The following FAM180A variants were observed in gnomAD, a reference collection of about 807,000 sequenced individuals.
FAM180A encodes the protein protein FAM180A.
FAM180A carries 14 observed loss-of-function variants against 15.3 expected under a neutral mutation model. The ratio of observed to expected loss-of-function variants is 0.92; its 90% CI spans 0.61 to 1.43. The LOEUF is 1.43. FAM180A is among the 40% of genes most tolerant of loss of function. The pLI is 0.00. For missense variants in FAM180A, 200 were observed against 220.8 expected (o/e 0.91, Z 0.60); for synonymous variants, 90 against 96.8 (o/e 0.93, Z 0.41).
rs1796751432 is a variant in FAM180A at position 135,729,610 on chromosome 7, T to C, written c.*1001A>G. 1 of 984,728 alleles carries C rather than the reference T, an allele frequency of 1.0e-6. No homozygotes were observed. The highest frequency in any genetic ancestry group is 4.7e-5 in the South Asian group (1 of 21,262). 61.0% of individuals were successfully genotyped at this position (984,728 alleles called of 1,614,324 possible). On this transcript the variant is annotated 3_prime_UTR_variant, in exon 4 of 4. Coordinates refer to ENST00000338588, the MANE Select transcript of FAM180A (RefSeq NM_205855.4). ...ACAAAGATTCCAGTGAGCAACTCAA[T>C]CATGACATCTTTATTATACCATAGA...
At chr7:135,739,623 CA>C (rs1220607774) in intron 1 of FAM180A, among the ~76,000 whole-genome samples, 1 of 120,608 alleles carries the variant, frequency 8.3e-6, no homozygotes, top group Non-Finnish European at 1.7e-5. Flanking sequence ...AAAACAAAAA[CA>C]AAAAAAGGCA....
At position 135,740,985 on chromosome 7, in the gene FAM180A, A is replaced by C. The variant is rs78076149; in HGVS notation, c.77-3786T>G. 4.3e-3 allele frequency among the ~76,000 whole-genome samples: 602 copies of C among 139,726 alleles called. 4 individuals carry two copies. Among genetic ancestry groups the C allele is most frequent in the Middle Eastern group, 0.019 (5 of 266 alleles). 91.7% of individuals were successfully genotyped at this position (139,726 alleles called of 152,430 possible). A position where few individuals can be genotyped will look rare whatever the true frequency, so the allele number is the denominator to read the frequency against. ...AAAACAAAACAAAACAAAAAAAAAA[A>C]CCTCAGTCCCAGCAGAGGAAGGCAA... On this transcript the variant is annotated intron_variant, in intron 1 of 3. Transcript: ENST00000338588.
At chr7:135,732,775 A>G (rs540465416) in intron 3 of FAM180A, among the ~76,000 whole-genome samples, 2 of 152,158 alleles carry the variant, frequency 1.3e-5, no homozygotes, top group South Asian at 4.2e-4. Context: ...CACTAAACAA[A>G]AGCTTAAGGT....
intron 3 of FAM180A, among the ~76,000 whole-genome samples, chr7:135,730,681 T>G (rs1464147064): frequency 2.0e-5 from 3 of 152,202 alleles, no homozygotes; most frequent in Non-Finnish European, 4.4e-5. Flanking sequence ...TGTGACCCCT[T>G]CGTGACTGTA....
chr7:135,746,367 T>C (rs1466569261), intron 1 of FAM180A, among the ~76,000 whole-genome samples: 1 of 152,218 alleles, frequency 6.6e-6, no homozygotes, highest in Non-Finnish European at 1.5e-5. Context: ...TTTTCATCTA[T>C]ATTTTTGAAT....
rs909902464 is a variant in FAM180A at position 135,729,878 on chromosome 7, G to C, written c.*733C>G. 2 of 696,908 alleles carry C rather than the reference G, an allele frequency of 2.9e-6. No homozygotes were observed. Among genetic ancestry groups the C allele is most frequent in the African/African-American group, 3.9e-5 (2 of 51,426 alleles). 43.2% of individuals were successfully genotyped at this position (696,908 alleles called of 1,614,324 possible). A position where few individuals can be genotyped will look rare whatever the true frequency, so the allele number is the denominator to read the frequency against. The stretch of plus-strand genomic sequence containing the variant: ...GGGAAGGGGAAAAGAGGAGTTGTTC[G>C]GTGGGTATAGAACTTCAGAATTACA... On this transcript the variant is annotated 3_prime_UTR_variant, in exon 4 of 4. Transcript: ENST00000338588.
chr7:135,747,735 G>T (rs534662459), intron 1 of FAM180A, among the ~76,000 whole-genome samples: 18 of 152,232 alleles, frequency 1.2e-4, no homozygotes, highest in Admixed American at 1.2e-3. Context: ...TTGACTTTAG[G>T]CAGTGGAAAG....
intron 2 of FAM180A, among the ~76,000 whole-genome samples, chr7:135,735,994 C>T (rs1412294462): frequency 6.6e-6 from 1 of 150,686 alleles, no homozygotes; most frequent in African/African-American, 2.4e-5. Flanking sequence ...TGAGCCGCCG[C>T]ACCTGGCCTG....
chr7:135,742,835 C>T (rs922593505), intron 1 of FAM180A, among the ~76,000 whole-genome samples: 5 of 152,138 alleles, frequency 3.3e-5, no homozygotes, highest in African/African-American at 1.2e-4. Context: ...TATGAACTTT[C>T]CATTTTATAG....
In FAM180A at chr7:135,737,134, G is replaced by A. The variant is rs1470715048; in HGVS notation, c.142C>T (p.Gln48Ter). ...SSSLPLNPVL[Q>*]TSLEEVELLY... ...AGCTCCACCTCCTCCAGGGAGGTCTGCAGGACTGGGTTCAATGGCAGTGAT... is the reference window on the plus strand; with the variant it reads ...AGCTCCACCTCCTCCAGGGAGGTCTACAGGACTGGGTTCAATGGCAGTGAT... The change falls in exon 2 of 4, where the codon CAG becomes TAG. Residue 48 changes from glutamine to a stop codon, truncating the protein, a stop_gained. Coordinates refer to ENST00000338588, the MANE Select transcript of FAM180A (RefSeq NM_205855.4). LOFTEE classifies it high-confidence loss of function. 1 of 1,613,458 alleles carries A rather than the reference G, an allele frequency of 6.2e-7. No homozygotes were observed. Among genetic ancestry groups the A allele is most frequent in the Admixed American group, 1.7e-5 (1 of 59,912 alleles).
chr7:135,746,471 T>G (rs1797033559), intron 1 of FAM180A, among the ~76,000 whole-genome samples: 1 of 152,196 alleles, frequency 6.6e-6, no homozygotes, highest in East Asian at 1.9e-4. Context: ...GTTAAGAGAC[T>G]TGTCTGAGAT....
At chr7:135,732,679 C>T (rs1167000720) in intron 3 of FAM180A, among the ~76,000 whole-genome samples, 1 of 135,920 alleles carries the variant, frequency 7.4e-6, no homozygotes, top group Admixed American at 7.6e-5. Flanking sequence ...GATGGCAGAG[C>T]GAGACTCCAT....
At chr7:135,732,772 C>G (rs1191186393) in intron 3 of FAM180A, among the ~76,000 whole-genome samples, 1 of 151,164 alleles carries the variant, frequency 6.6e-6, no homozygotes, top group Non-Finnish European at 1.5e-5. Context: ...TTACACTAAA[C>G]AAAAGCTTAA....
intron 1 of FAM180A, among the ~76,000 whole-genome samples, chr7:135,742,230 G>A (rs147810444): frequency 1.3e-5 from 2 of 152,304 alleles, no homozygotes; most frequent in African/African-American, 4.8e-5. Context: ...TGGAGGTGGT[G>A]GGTGAGAAAT....
chr7:135,747,363 A>G (rs192431345), intron 1 of FAM180A, among the ~76,000 whole-genome samples: 6 of 152,246 alleles, frequency 3.9e-5, no homozygotes, highest in Admixed American at 2.6e-4. Context: ...TTGTTATGAG[A>G]AAAATGAAGA....
At chr7:135,734,429 G>A in intron 2 of FAM180A, 110 bp from the exon 3 acceptor site, 1 of 1,004,616 alleles carries the variant, frequency 1.0e-6, no homozygotes. Context: ...AAGAGCTTTG[G>A]AACTCAAGAG....
chr7:135,735,369 T>G (rs1796856177), intron 2 of FAM180A, among the ~76,000 whole-genome samples: 2 of 152,198 alleles, frequency 1.3e-5, no homozygotes, highest in South Asian at 4.1e-4. Context: ...AGGATTGTGC[T>G]AGGAATCAAG....
rs75710769 is a variant in FAM180A at position 135,729,673 on chromosome 7, A to C, written c.*938T>G. 7 of 983,550 alleles carry C rather than the reference A, an allele frequency of 7.1e-6. No individual in the cohort carries two copies. Among genetic ancestry groups the C allele is most frequent in the Non-Finnish European group, 8.5e-6 (7 of 828,236 alleles). 60.9% of individuals were successfully genotyped at this position (983,550 alleles called of 1,614,324 possible). A position where few individuals can be genotyped will look rare whatever the true frequency, so the allele number is the denominator to read the frequency against. ...AAATAAAAATAGGTACAGCAAGTGT[A>C]CAATAAGACCAGTAGTTCTCCTTCA... On this transcript the variant is annotated 3_prime_UTR_variant, in exon 4 of 4. Transcript: ENST00000338588.
intron 1 of FAM180A, among the ~76,000 whole-genome samples, chr7:135,742,506 G>T (rs1305238048): frequency 1.3e-5 from 2 of 152,184 alleles, no homozygotes; most frequent in African/African-American, 4.8e-5. Flanking sequence ...GGCTGGCCGT[G>T]GGGTGGGGAA....
Sources: allele counts gnomAD v4.1 joint callset (sites outside exome capture counted in the v4.1 genomes callset), GRCh38; gene constraint gnomAD v4.1.1; transcripts MANE v1.5; gene names NCBI Gene and HGNC (gene_info 2026-07-23, HGNC 2026-07-21).